Variants in KLHL3 observed in about 807,000 individuals in gnomAD.
The protein encoded by KLHL3 is kelch like family member 3, also known as kelch-like protein 3.
A neutral mutation model predicts 70.5 loss-of-function variants in KLHL3; 19 were observed. That is an observed-to-expected ratio of 0.27 (90% CI 0.19 to 0.40). The LOEUF (loss-of-function observed/expected upper bound fraction) is 0.40. Among genes scored for constraint, KLHL3 ranks in the 10% least tolerant of loss-of-function variants. The probability of loss-of-function intolerance (pLI) is 1.00; values close to 1 mark genes in which losing one functional copy is unlikely to be tolerated. For synonymous variants in KLHL3, 258 were observed against 290.3 expected (o/e 0.89, Z 1.13); for missense variants, 512 against 771.1 (o/e 0.66, Z 3.98).
In KLHL3 at chr5:137,735,670, T is replaced by C. The variant is rs1753249910; in HGVS notation, c.-24A>G. 1 of 1,614,008 alleles carries C rather than the reference T, an allele frequency of 6.2e-7. No individual in the cohort carries two copies. The highest frequency in any genetic ancestry group is 8.5e-7 in the Non-Finnish European group (1 of 1,179,962). On this transcript the variant is annotated 5_prime_UTR_variant, in exon 1 of 15. Coordinates refer to ENST00000309755, the MANE Select transcript of KLHL3 (RefSeq NM_017415.3). Reference sequence around the variant, plus strand: ...ATTGTGTGAGGCCCAGCCAGGGTGGTAGCTGCTGAACTGTGTATGCACTCG... The same window carrying C: ...ATTGTGTGAGGCCCAGCCAGGGTGGCAGCTGCTGAACTGTGTATGCACTCG...
At position 137,736,057 on chromosome 5, in the gene KLHL3, G is replaced by A; in HGVS notation, c.-411C>T. The A allele has an allele frequency of 3.0e-6, 1 of 333,312 alleles. No individual in the cohort carries two copies. The highest frequency in any genetic ancestry group is 5.9e-6 in the Non-Finnish European group (1 of 169,552). 20.6% of individuals were successfully genotyped at this position (333,312 alleles called of 1,614,324 possible). ...CCCAGGCGATTAGCCCGCCCCTGGGGCTCCTGCCTCCTCTGTCTAGGCTGC... is the reference window on the plus strand; with the variant it reads ...CCCAGGCGATTAGCCCGCCCCTGGGACTCCTGCCTCCTCTGTCTAGGCTGC... On this transcript the variant is annotated 5_prime_UTR_variant, in exon 1 of 15. Transcript: ENST00000309755.
chr5:137,623,748 T>C (rs1261460743), intron 14 of KLHL3, among the ~76,000 whole-genome samples: 2 of 152,202 alleles, frequency 1.3e-5, no homozygotes, highest in African/African-American at 2.4e-5. Context: ...TTCACAAGTA[T>C]TACTGCATTT....
intron 8 of KLHL3, among the ~76,000 whole-genome samples, chr5:137,656,823 T>C (rs771471467): frequency 2.6e-5 from 4 of 152,194 alleles, no homozygotes; most frequent in South Asian, 2.1e-4. Context: ...GAGAACAGGT[T>C]TGGAGAGTGA....
In KLHL3 at chr5:137,639,747, T is replaced by G; in HGVS notation, c.1021+113A>C. The G allele has an allele frequency of 1.4e-6, 1 of 703,234 alleles. No individual in the cohort carries two copies. Among genetic ancestry groups the G allele is most frequent in the Non-Finnish European group, 2.4e-6 (1 of 416,400 alleles). The allele number at this position is 703,234 out of a possible 1,614,324, so 43.6% of individuals were successfully genotyped here. A position where few individuals can be genotyped will look rare whatever the true frequency, so the allele number is the denominator to read the frequency against. On this transcript the variant is annotated intron_variant, in intron 9 of 14. Transcript: ENST00000309755. The surrounding 1 kb of genome is among the most constrained non-coding windows in gnomAD (Gnocchi z 5.0). ...AAAAAGTGTGCAGGAGGGAAACGAA[T>G]GGGAGCCTGAAATGCACAGATGCTT...
rs932907961 is a variant in KLHL3, at chr5:137,661,978, C to T, written c.690G>A (p.Glu230=). The T allele has an allele frequency of 1.9e-6, 3 of 1,613,588 alleles. No individual in the cohort carries two copies. The highest frequency in any genetic ancestry group is 2.5e-6 in the Non-Finnish European group (3 of 1,179,668). ...CATGTTCCATCAGCTTTGCCATGTG[C>T]TCTAAACGGGTTTCTTTCTCATAAT... ...WINYEKETRL[E]HMAKLMEHVR... The change falls in exon 7 of 15, where the codon GAG becomes GAA. Residue 230 remains glutamate (E), a synonymous_variant. Coordinates refer to ENST00000309755, the MANE Select transcript of KLHL3 (RefSeq NM_017415.3).
intron 6 of KLHL3, chr5:137,672,912 C>T (rs1376779818): frequency 6.6e-6 from 1 of 152,290 alleles, no homozygotes. Flanking sequence ...AGCCCTAACC[C>T]CTCAACACCC....
chr5:137,721,307 A>C (rs1752991759), intron 1 of KLHL3: 1 of 152,294 alleles, frequency 6.6e-6, no homozygotes, highest in South Asian at 2.1e-4. Flanking sequence ...GGAGAGCACA[A>C]GAGGGAATAT....
chr5:137,628,107 G>A (rs1750526636), intron 13 of KLHL3, 190 bp downstream of exon 13: 1 of 635,408 alleles, frequency 1.6e-6, no homozygotes, highest in Non-Finnish European at 2.7e-6. Flanking sequence ...TGCAGGATCT[G>A]CAGCTAGCTT....
chr5:137,651,882 A>C (rs997630272), intron 8 of KLHL3, among the ~76,000 whole-genome samples: 1 of 152,266 alleles, frequency 6.6e-6, no homozygotes, highest in African/African-American at 2.4e-5. Flanking sequence ...AAGAGAGTCC[A>C]GAAATAGACG....
intron 10 of KLHL3, among the ~76,000 whole-genome samples, chr5:137,638,119 T>C (rs1434194865): frequency 1.3e-5 from 2 of 152,180 alleles, no homozygotes; most frequent in Admixed American, 6.5e-5. Context: ...TCTCTACTTA[T>C]AGCCAAAAGT....
rs1007295598 is a variant in KLHL3 at position 137,622,039 on chromosome 5, G to A, written c.*59C>T. On this transcript the variant is annotated 3_prime_UTR_variant, in exon 15 of 15. Transcript: ENST00000309755. Reference sequence around the variant, plus strand: ...TGAATCCAGTCACCAAGGTCCTGCTGTTCAGAGTCACAGGCAGCACCTGCT... The same window carrying A: ...TGAATCCAGTCACCAAGGTCCTGCTATTCAGAGTCACAGGCAGCACCTGCT... 16 of 1,581,242 alleles carry A rather than the reference G, an allele frequency of 1.0e-5. No individual in the cohort carries two copies. The Admixed American group carries it at 2.2e-4, about 21-fold the overall frequency.
chr5:137,623,345 C>G (rs958216693), intron 14 of KLHL3, among the ~76,000 whole-genome samples: 2 of 152,146 alleles, frequency 1.3e-5, no homozygotes, highest in Non-Finnish European at 2.9e-5. Context: ...CCAGGATACC[C>G]CACTGGAGAT....
At chr5:137,629,455 A>G (rs984803961) in intron 12 of KLHL3, 7 of 152,248 alleles carry the variant, frequency 4.6e-5, no homozygotes, top group Non-Finnish European at 8.8e-5. Flanking sequence ...CACACTGGTC[A>G]GGAGTCAGAA....
intron 1 of KLHL3, among the ~76,000 whole-genome samples, chr5:137,725,309 C>A (rs1753068946): frequency 6.6e-6 from 1 of 152,176 alleles, no homozygotes; most frequent in Non-Finnish European, 1.5e-5. Context: ...ATTTTCCAGG[C>A]AGACTCAGCC....
intron 8 of KLHL3, chr5:137,647,672 G>A (rs1470075913): frequency 2.2e-6 from 1 of 451,760 alleles, no homozygotes. Context: ...ATCCGATGGA[G>A]CATGTCGAGG....
intron 5 of KLHL3, among the ~76,000 whole-genome samples, chr5:137,685,116 G>C (rs1752130686): frequency 1.3e-5 from 2 of 152,208 alleles, no homozygotes. Flanking sequence ...AGTCACATTT[G>C]TTTAGACAGC....
chr5:137,678,540 T>C (rs1220015481), intron 5 of KLHL3, among the ~76,000 whole-genome samples: 12 of 152,178 alleles, frequency 7.9e-5, no homozygotes, highest in African/African-American at 2.2e-4. Flanking sequence ...AGGCTGGTCG[T>C]GATCTCCTAG....
intron 7 of KLHL3, among the ~76,000 whole-genome samples, chr5:137,658,933 C>T (rs939708055): frequency 2.6e-5 from 4 of 152,188 alleles, no homozygotes; most frequent in Non-Finnish European, 4.4e-5. Flanking sequence ...TAAGCTGGGG[C>T]TCTGGCTTCT....
At chr5:137,669,409 G>T (rs997313185) in intron 6 of KLHL3, among the ~76,000 whole-genome samples, 11 of 150,438 alleles carry the variant, frequency 7.3e-5, no homozygotes, top group African/African-American at 2.4e-4. Context: ...ATAAAAGCAT[G>T]AATGAATGTA....
Sources: gnomAD v4.1 joint callset for allele counts (sites outside exome capture counted in the v4.1 genomes callset) on GRCh38, gnomAD v4.1.1 for gene constraint, Gnocchi (gnomAD v3.1) non-coding constraint, MANE v1.5 for transcripts, NCBI Gene and HGNC (gene_info 2026-07-23, HGNC 2026-07-21) for gene names.